The following CUBN variants were observed in gnomAD, a reference collection of about 807,000 sequenced individuals.
CUBN encodes cubilin.
Under a neutral mutation model 405.3 loss-of-function variants are expected in CUBN, and 282 were observed. That is an observed-to-expected ratio of 0.70 (90% CI 0.63 to 0.77). The LOEUF (loss-of-function observed/expected upper bound fraction) is 0.77, where lower values mean the gene tolerates loss of function less well. Among genes scored for constraint, CUBN ranks in the 30% least tolerant of loss-of-function variants. CUBN has a pLI of 0.00. For synonymous variants in CUBN, 1,684 were observed against 1,617.0 expected (o/e 1.04, Z -0.99); for missense variants, 4,514 against 4,475.2 (o/e 1.01, Z -0.25).
intron 14 of CUBN, among the ~76,000 whole-genome samples, chr10:17,098,752 T>TA (rs1836431711): frequency 6.6e-6 from 1 of 152,174 alleles, no homozygotes; most frequent in East Asian, 1.9e-4. Context: ...ATCAAATATT[T>TA]AAAAAATACA....
At chr10:16,939,800 T>C (rs187286961) in intron 37 of CUBN, among the ~76,000 whole-genome samples, 11 of 152,228 alleles carry the variant, frequency 7.2e-5, no homozygotes, top group African/African-American at 2.4e-4. Context: ...TAGGTAGAAA[T>C]TAGAGCTTAA....
intron 60 of CUBN, among the ~76,000 whole-genome samples, chr10:16,847,360 G>C (rs545475315): frequency 6.6e-6 from 1 of 152,152 alleles, no homozygotes; most frequent in East Asian, 1.9e-4. Flanking sequence ...GCTGAGGCAG[G>C]AGAATGGCGT....
At chr10:17,041,884 C>A (rs925460476) in intron 26 of CUBN, among the ~76,000 whole-genome samples, 1 of 152,162 alleles carries the variant, frequency 6.6e-6, no homozygotes, top group African/African-American at 2.4e-5. Flanking sequence ...CCAATGGTGG[C>A]ATTTTCTTGA....
chr10:16,913,230 T>C (rs1841783351), intron 48 of CUBN, among the ~76,000 whole-genome samples: 1 of 152,252 alleles, frequency 6.6e-6, no homozygotes, highest in African/African-American at 2.4e-5. Flanking sequence ...AATCTTCCTA[T>C]CTACACACAC....
chr10:17,090,984 A>C (rs1396647785), intron 14 of CUBN, among the ~76,000 whole-genome samples: 2 of 152,182 alleles, frequency 1.3e-5, no homozygotes, highest in Non-Finnish European at 2.9e-5. Context: ...ACCCAGTACC[A>C]ATAGCCATCC....
chr10:16,927,182 A>G (rs1294517239), intron 41 of CUBN, among the ~76,000 whole-genome samples: 1 of 152,128 alleles, frequency 6.6e-6, no homozygotes, highest in African/African-American at 2.4e-5. Flanking sequence ...GTATACATGT[A>G]TGTATGTATA....
chr10:16,936,580 C>T (rs1296291912), intron 39 of CUBN, among the ~76,000 whole-genome samples: 2 of 152,148 alleles, frequency 1.3e-5, no homozygotes, highest in East Asian at 3.8e-4. Context: ...GAATATTCTT[C>T]AATGAGATAC....
At chr10:16,950,133 T>C (rs74668791) in intron 33 of CUBN, 22 bp from the exon 34 acceptor site, 11 of 1,563,416 alleles carry the variant, frequency 7.0e-6, no homozygotes, top group Non-Finnish European at 9.7e-6. Context: ...AAGAGAAGAC[T>C]CTCTCGTAAA....
chr10:16,889,115 C>A (rs973677739), intron 55 of CUBN, among the ~76,000 whole-genome samples: 7 of 152,200 alleles, frequency 4.6e-5, no homozygotes, highest in Non-Finnish European at 7.3e-5. Context: ...TATCTTTTCA[C>A]CACTAAAATG....
intron 11 of CUBN, among the ~76,000 whole-genome samples, chr10:17,105,181 G>T (rs1836595993): frequency 6.6e-6 from 1 of 152,092 alleles, no homozygotes; most frequent in Non-Finnish European, 1.5e-5. Context: ...GTTATTAATA[G>T]GTTTAAATGG....
intron 56 of CUBN, among the ~76,000 whole-genome samples, chr10:16,879,945 G>C (rs150856506): frequency 1.2e-3 from 183 of 152,298 alleles, no homozygotes; most frequent in Non-Finnish European, 2.2e-3. Context: ...TGTGGGTGAG[G>C]AGTACCCACT....
At chr10:16,995,907 A>G (rs1197476333) in intron 28 of CUBN, among the ~76,000 whole-genome samples, 2 of 152,192 alleles carry the variant, frequency 1.3e-5, no homozygotes, top group African/African-American at 2.4e-5. Flanking sequence ...CAATGATGTC[A>G]GGCCCATTGT....
rs1328246630 is a variant in CUBN, at chr10:16,839,564, C to T, written c.10032+766G>A. Among the ~76,000 whole-genome samples, 32 of 98,596 alleles carry T rather than the reference C, an allele frequency of 3.2e-4. 1 individual carries two copies. Among genetic ancestry groups the T allele is most frequent in the African/African-American group, 7.8e-4 (31 of 39,862 alleles). 64.7% of individuals were successfully genotyped at this position (98,596 alleles called of 152,430 possible). On this transcript the variant is annotated intron_variant, in intron 62 of 66. Transcript: ENST00000377833. ...TGGTGATTGTTAAAAAGTCAGGAAACAACAGGTGCTGGAGAGGATGTGGAG... is the reference window on the plus strand; with the variant it reads ...TGGTGATTGTTAAAAAGTCAGGAAATAACAGGTGCTGGAGAGGATGTGGAG...
intron 31 of CUBN, 111 bp from the exon 32 acceptor site, chr10:16,954,659 G>A: frequency 8.4e-7 from 1 of 1,187,296 alleles, no homozygotes; most frequent in Non-Finnish European, 1.2e-6. Context: ...ACGTTTGCTG[G>A]ATCTAGGGAA....
At chr10:17,123,971 GTAT>G (rs1291703457) in intron 4 of CUBN, among the ~76,000 whole-genome samples, 7 of 152,168 alleles carry the variant, frequency 4.6e-5, no homozygotes, top group Admixed American at 2.0e-4. Context: ...TCTTGGAAAA[GTAT>G]TATTCTCACC....
At chr10:17,067,205 C>A (rs997596689) in intron 21 of CUBN, among the ~76,000 whole-genome samples, 3 of 152,072 alleles carry the variant, frequency 2.0e-5, no homozygotes, top group South Asian at 2.1e-4. Flanking sequence ...AGGAAACAAT[C>A]CAAATGTCTG....
At chr10:16,935,390 G>A (rs1219525873) in intron 39 of CUBN, among the ~76,000 whole-genome samples, 1 of 151,964 alleles carries the variant, frequency 6.6e-6, no homozygotes, top group Non-Finnish European at 1.5e-5. Context: ...TGGGCTTCAA[G>A]CAACCCTCCT....
Position 17,050,827 on chromosome 10 carries a change from A to G in CUBN, c.3140-3224T>C, listed in dbSNP as rs115880061. ...TCATAGAAGTTGGAGGTAGAGACCT[A>G]GCAAGTTAGAGGGGCTCGAGAAACA... is the stretch of plus-strand genomic sequence containing the variant. On this transcript the variant is annotated intron_variant, in intron 22 of 66. Coordinates refer to ENST00000377833, the MANE Select transcript of CUBN (RefSeq NM_001081.4). 6.6e-3 allele frequency among the ~76,000 whole-genome samples: 1,010 copies of G among 152,296 alleles called. 11 individuals are homozygous for G. The highest frequency in any genetic ancestry group is 0.023 in the African/African-American group (968 of 41,564).
At chr10:16,976,281 TTCTTAAAGGAA>T (rs1833092007) in intron 31 of CUBN, among the ~76,000 whole-genome samples, 1 of 151,898 alleles carries the variant, frequency 6.6e-6, no homozygotes, top group Admixed American at 6.6e-5. Flanking sequence ...CTCACCTTCA[TTCTTAAAGGAA>T]TTTTAGGAGA....
Sources: gnomAD v4.1 joint callset for allele counts (sites outside exome capture counted in the v4.1 genomes callset) on GRCh38, gnomAD v4.1.1 for gene constraint, MANE v1.5 for transcripts, NCBI Gene and HGNC (gene_info 2026-07-23, HGNC 2026-07-21) for gene names.